Variants in DNAH9 observed in about 807,000 individuals in gnomAD.
DNAH9 encodes the protein dynein axonemal heavy chain 9.
In DNAH9, 345 loss-of-function variants were observed where a neutral mutation model predicts 471.6. The ratio of observed to expected loss-of-function variants is 0.73; its 90% CI spans 0.67 to 0.80. The LOEUF (loss-of-function observed/expected upper bound fraction) is 0.80. Ranked by LOEUF, DNAH9 falls within the 30% of genes least tolerant of loss-of-function variation. The pLI is 0.00. For synonymous variants in DNAH9, 2,093 were observed against 2,123.6 expected, an observed-to-expected ratio of 0.99 and a Z score of 0.40; for missense variants, 5,407 against 5,609.2, an observed-to-expected ratio of 0.96 and a Z score of 1.15.
At chr17:11,646,300 T>C (rs1276179068) in intron 11 of DNAH9, among the ~76,000 whole-genome samples, 1 of 152,078 alleles carries the variant, frequency 6.6e-6, no homozygotes, top group African/African-American at 2.4e-5. Context: ...ATTACAGCTG[T>C]ACATTTCTTT....
chr17:11,809,270 A>G (rs913924195), intron 44 of DNAH9, among the ~76,000 whole-genome samples: 1 of 152,072 alleles, frequency 6.6e-6, no homozygotes, highest in Non-Finnish European at 1.5e-5. Flanking sequence ...GGAGCTAGTC[A>G]TAAGAACACA....
chr17:11,909,890 C>T (rs2215008), intron 61 of DNAH9, among the ~76,000 whole-genome samples: 26,878 of 152,144 alleles, frequency 0.18, 2,579 homozygotes, highest in African/African-American at 0.25. Flanking sequence ...CATCCACTAG[C>T]CATTACTTTC....
intron 48 of DNAH9, among the ~76,000 whole-genome samples, chr17:11,832,711 C>T (rs1970718710): frequency 6.6e-6 from 1 of 152,180 alleles, no homozygotes; most frequent in Non-Finnish European, 1.5e-5. Flanking sequence ...TATTTTTCCC[C>T]TTGTGCATTT....
At chr17:11,910,962 T>C (rs1973774465) in intron 61 of DNAH9, among the ~76,000 whole-genome samples, 1 of 152,234 alleles carries the variant, frequency 6.6e-6, no homozygotes. Flanking sequence ...AGATATATGA[T>C]TTCCAAATAT....
chr17:11,954,484 G>T (rs983207252), intron 67 of DNAH9, among the ~76,000 whole-genome samples: 15 of 151,776 alleles, frequency 9.9e-5, no homozygotes, highest in Non-Finnish European at 1.8e-4. Context: ...AATGATGGCA[G>T]ACTTCTTGTC....
chr17:11,740,039 G>A (rs953418480), intron 29 of DNAH9, among the ~76,000 whole-genome samples: 16 of 152,172 alleles, frequency 1.1e-4, no homozygotes, highest in East Asian at 3.9e-4. Flanking sequence ...GCAAATTCCC[G>A]TGTCGCTGGG....
intron 61 of DNAH9, among the ~76,000 whole-genome samples, chr17:11,909,113 G>T (rs765528391): frequency 6.6e-6 from 1 of 152,152 alleles, no homozygotes; most frequent in Non-Finnish European, 1.5e-5. Flanking sequence ...TGTTGGGAAC[G>T]TTCCATATCC....
chr17:11,696,255 C>T (rs2074475055), intron 22 of DNAH9, among the ~76,000 whole-genome samples: 1 of 152,152 alleles, frequency 6.6e-6, no homozygotes, highest in Admixed American at 6.5e-5. Context: ...TTGCACTTTG[C>T]TTTTTTCTAC....
intron 14 of DNAH9, among the ~76,000 whole-genome samples, chr17:11,661,493 CT>C (rs1161660506): frequency 6.6e-6 from 1 of 152,050 alleles, no homozygotes; most frequent in African/African-American, 2.4e-5. Flanking sequence ...TCATTGCTTT[CT>C]TGTTCCTCTG....
Position 11,704,458 on chromosome 17 carries a change from C to T in DNAH9, c.5391+16C>T, listed in dbSNP as rs775826630. On this transcript the variant is annotated intron_variant, in intron 25 of 68. Coordinates refer to ENST00000262442, the MANE Select transcript of DNAH9 (RefSeq NM_001372.4). ...TGCTCAGAAGGTGGGTCCCAAACAT[C>T]CAGGGATGCCCACTTTTGTGTACAG... 2 of 1,610,262 alleles carry T rather than the reference C, an allele frequency of 1.2e-6. No homozygotes were observed. The highest frequency in any genetic ancestry group is 3.3e-5 in the Admixed American group (2 of 59,972).
At position 11,629,577 on chromosome 17, in the gene DNAH9, A is replaced by T; in HGVS notation, c.1511A>T (p.Gln504Leu). 1.2e-6 allele frequency: 2 copies of T among 1,613,370 alleles called. No homozygotes were observed. Among genetic ancestry groups the T allele is most frequent in the Non-Finnish European group, 1.7e-6 (2 of 1,179,778 alleles). Reference sequence around the variant, plus strand: ...TCCTCCTCCGACTGCCTGTACCTCCAAAGCACGGTAGGGTTGGGAAGGGCT... The same window carrying T: ...TCCTCCTCCGACTGCCTGTACCTCCTAAGCACGGTAGGGTTGGGAAGGGCT... ...SGSSSDCLYL[Q>L]STDFENDVSE... The change falls in exon 7 of 69, where the codon CAA becomes CTA. Residue 504 changes from glutamine (Q) to leucine (L), a missense_variant. This residue lies in a region of DNAH9 where 767 missense variants were observed against 692.5 expected (regional missense o/e 1.11). Coordinates refer to ENST00000262442, the MANE Select transcript of DNAH9 (RefSeq NM_001372.4).
chr17:11,729,205 A>G (rs1167839226), intron 28 of DNAH9, among the ~76,000 whole-genome samples: 1 of 152,146 alleles, frequency 6.6e-6, no homozygotes, highest in Admixed American at 6.5e-5. Context: ...CTGCAGCTGC[A>G]CAGGCTCCAT....
intron 20 of DNAH9, among the ~76,000 whole-genome samples, chr17:11,690,763 T>G (rs1303740707): frequency 6.6e-6 from 1 of 151,980 alleles, no homozygotes; most frequent in African/African-American, 2.4e-5. Flanking sequence ...TCCTCACAGG[T>G]TGCTTCTTGG....
At chr17:11,899,994 GC>G (rs1267976735) in intron 59 of DNAH9, among the ~76,000 whole-genome samples, 1 of 152,020 alleles carries the variant, frequency 6.6e-6, no homozygotes, top group Admixed American at 6.6e-5. Flanking sequence ...AGCCATAGGA[GC>G]CCCCCAGGAA....
At chr17:11,884,220 A>T (rs1408332514) in intron 56 of DNAH9, 1 of 173,270 alleles carries the variant, frequency 5.8e-6, no homozygotes, top group East Asian at 1.5e-4. Flanking sequence ...TTCCTAGGAA[A>T]CTCAGCTCTC....
intron 26 of DNAH9, 105 bp from the exon 27 acceptor site, chr17:11,719,229 G>T: frequency 8.5e-7 from 1 of 1,176,268 alleles, no homozygotes; most frequent in Non-Finnish European, 1.2e-6. Context: ...CAGGGCTCTT[G>T]GCTTTCTTTT....
chr17:11,729,606 G>A (rs1449308059), intron 28 of DNAH9, among the ~76,000 whole-genome samples: 1 of 152,186 alleles, frequency 6.6e-6, no homozygotes, highest in Non-Finnish European at 1.5e-5. Flanking sequence ...AATAAGGAAA[G>A]CGTTTAGCTT....
chr17:11,905,613 T>G lies in DNAH9; in HGVS notation c.11601-48T>G, dbSNP rs1441064789. ...CTCTATTTCTCAAATGTTACCATTT[T>G]GTGGCTGCTATATATGTATAAATCT... On this transcript the variant is annotated intron_variant, in intron 60 of 68. Transcript: ENST00000262442. The G allele has an allele frequency of 2.5e-6, 4 of 1,575,000 alleles. No homozygotes were observed. In the African/African-American group the frequency reaches 5.5e-5, roughly 21 times the overall value.
At chr17:11,791,927 C>T (rs1969080488) in intron 41 of DNAH9, among the ~76,000 whole-genome samples, 1 of 151,990 alleles carries the variant, frequency 6.6e-6, no homozygotes, top group African/African-American at 2.4e-5. Flanking sequence ...TTTGCAGGAT[C>T]AGAACATAAT....
Sources: allele counts gnomAD v4.1 joint callset (sites outside exome capture counted in the v4.1 genomes callset), GRCh38; gene constraint gnomAD v4.1.1; regional missense constraint gnomAD v4.1.1; transcripts MANE v1.5; gene names NCBI Gene and HGNC (gene_info 2026-07-23, HGNC 2026-07-21).